Variants in HPSE2 observed in about 807,000 individuals in gnomAD.
The protein encoded by HPSE2 is inactive heparanase-2.
Under a neutral mutation model 60.5 loss-of-function variants are expected in HPSE2, and 38 were observed. That is an observed-to-expected ratio of 0.63 (90% CI 0.48 to 0.82). The LOEUF (loss-of-function observed/expected upper bound fraction) is 0.82. Among genes scored for constraint, HPSE2 ranks in the 40% least tolerant of loss-of-function variants. The probability of loss-of-function intolerance (pLI) is 0.00; values close to 1 mark genes in which losing one functional copy is unlikely to be tolerated. For missense variants in HPSE2, 713 were observed against 740.4 expected (o/e 0.96, Z 0.43); for synonymous variants, 295 against 293.2 (o/e 1.01, Z -0.06).
chr10:98,649,750 A>G (rs193134513), intron 6 of HPSE2, among the ~76,000 whole-genome samples: 5 of 152,330 alleles, frequency 3.3e-5, no homozygotes, highest in Non-Finnish European at 5.9e-5. Flanking sequence ...GTGTTTTAGT[A>G]ATTGTTATAT....
intron 3 of HPSE2, among the ~76,000 whole-genome samples, chr10:98,819,278 C>T (rs1390486239): frequency 1.3e-5 from 2 of 152,126 alleles, no homozygotes; most frequent in South Asian, 4.1e-4. Context: ...CTGGGGCAAT[C>T]CTCTGTATTT....
the HPSE2 span, among the ~76,000 whole-genome samples, chr10:99,300,007 G>C: frequency 2.7e-5 from 4 of 146,168 alleles, no homozygotes; most frequent in Non-Finnish European, 6.0e-5. Context: ...TACAATAATA[G>C]GGACAGGGCA....
intron 3 of HPSE2, among the ~76,000 whole-genome samples, chr10:99,008,678 A>G (rs1231813856): frequency 1.3e-5 from 2 of 152,234 alleles, no homozygotes; most frequent in African/African-American, 4.8e-5. Context: ...TAAACTAGAA[A>G]TATATTGCGT....
At chr10:99,135,263 A>C (rs1367524563) in intron 3 of HPSE2, among the ~76,000 whole-genome samples, 1 of 152,136 alleles carries the variant, frequency 6.6e-6, no homozygotes, top group Non-Finnish European at 1.5e-5. Context: ...CAGTCGGGAG[A>C]CTTTAACACC....
rs1410030058 is a variant in HPSE2, at chr10:98,699,737, A to T, written c.957-5790T>A. ...GCAGATGACATGATTGTATATCTAG[A>T]AAATCCCGTTGTCTCAGCCCAAAAT... is the stretch of plus-strand genomic sequence containing the variant. On this transcript the variant is annotated intron_variant, in intron 5 of 11. Transcript: ENST00000370552. Among the ~76,000 whole-genome samples, 2 of 129,822 alleles carry T rather than the reference A, an allele frequency of 1.5e-5. 1 individual carries two copies. Among genetic ancestry groups the T allele is most frequent in the African/African-American group, 5.3e-5 (2 of 37,662 alleles). The allele number at this position is 129,822 out of a possible 152,430, so 85.2% of individuals were successfully genotyped here.
At chr10:99,095,146 A>C (rs527245624) in intron 3 of HPSE2, among the ~76,000 whole-genome samples, 1 of 152,158 alleles carries the variant, frequency 6.6e-6, no homozygotes, top group Admixed American at 6.5e-5. Flanking sequence ...TGATTACACC[A>C]CTGCACTTTA....
chr10:98,905,939 A>G (rs1032571569), intron 3 of HPSE2, among the ~76,000 whole-genome samples: 4 of 152,178 alleles, frequency 2.6e-5, no homozygotes, highest in African/African-American at 9.7e-5. Context: ...TCCCTTCAGG[A>G]TTGAAGAACT....
chr10:99,221,394 T>C (rs1481787194), intron 2 of HPSE2, among the ~76,000 whole-genome samples: 1 of 152,092 alleles, frequency 6.6e-6, no homozygotes, highest in African/African-American at 2.4e-5. Flanking sequence ...ACTACAGAAA[T>C]GTTACAATCA....
intron 3 of HPSE2, among the ~76,000 whole-genome samples, chr10:98,905,960 G>A (rs1953804574): frequency 2.0e-5 from 3 of 152,176 alleles, no homozygotes; most frequent in African/African-American, 7.2e-5. Flanking sequence ...TAGTCTCCTG[G>A]CTGCTGGGAG....
chr10:98,674,839 T>C (rs1030501292), intron 6 of HPSE2, among the ~76,000 whole-genome samples: 2 of 152,098 alleles, frequency 1.3e-5, no homozygotes, highest in Admixed American at 6.6e-5. Flanking sequence ...GGAGAACCAC[T>C]TGAACCTGGG....
intron 9 of HPSE2, among the ~76,000 whole-genome samples, chr10:98,525,737 T>G (rs1942946606): frequency 6.6e-6 from 1 of 152,096 alleles, no homozygotes; most frequent in African/African-American, 2.4e-5. Flanking sequence ...GGGAGTGGGA[T>G]GGGTTGGGGG....
intron 9 of HPSE2, among the ~76,000 whole-genome samples, chr10:98,562,443 A>G (rs1399279446): frequency 6.6e-6 from 1 of 152,126 alleles, no homozygotes; most frequent in Admixed American, 6.5e-5. Flanking sequence ...TTGGCCGGGC[A>G]CGGTGGCTCA....
At chr10:98,463,013 C>G (rs78783968) in intron 11 of HPSE2, among the ~76,000 whole-genome samples, 1,778 of 151,802 alleles carry the variant, frequency 0.012, 37 homozygotes, top group African/African-American at 0.039. Context: ...AATTACTGTA[C>G]CCAGAAAGCT....
At chr10:98,687,557 T>A (rs1324180058) in intron 6 of HPSE2, among the ~76,000 whole-genome samples, 1 of 152,226 alleles carries the variant, frequency 6.6e-6, no homozygotes, top group African/African-American at 2.4e-5. Flanking sequence ...TGCCATATAA[T>A]GTAACATATT....
At chr10:99,304,857 G>T in the HPSE2 span, among the ~76,000 whole-genome samples, 1 of 152,192 alleles carries the variant, frequency 6.6e-6, no homozygotes, top group African/African-American at 2.4e-5. Flanking sequence ...CAAAATAGAA[G>T]ATTTAAGAAG....
At chr10:99,027,198 T>TA (rs1957396245) in intron 3 of HPSE2, among the ~76,000 whole-genome samples, 1 of 149,832 alleles carries the variant, frequency 6.7e-6, no homozygotes, top group Non-Finnish European at 1.5e-5. Context: ...TTTGAAAAGT[T>TA]AAACAAAATT....
In HPSE2 at chr10:98,460,905, G is replaced by A. The variant is rs544746559; in HGVS notation, c.1614-1166C>T. On this transcript the variant is annotated intron_variant, in intron 11 of 11. Transcript: ENST00000370552. ...CTGTTCCTGACAGCCATGCACCCAG[G>A]TGGAAGCTTAGTTTTATGGGTCAGC... is the stretch of plus-strand genomic sequence containing the variant. Among the ~76,000 whole-genome samples, 4 of 152,328 alleles carry A rather than the reference G, an allele frequency of 2.6e-5. No homozygotes were observed. In the South Asian group the frequency reaches 8.3e-4, roughly 32 times the overall value.
At position 98,482,726 on chromosome 10, in the gene HPSE2, C is replaced by G; in HGVS notation, c.1523G>C (p.Arg508Thr). The change falls in exon 11 of 12, where the codon AGA becomes ACA. Residue 508 changes from arginine to threonine, a missense_variant. By Grantham distance (71) the Arg-to-Thr change is moderately conservative. Coordinates refer to ENST00000370552, the MANE Select transcript of HPSE2 (RefSeq NM_021828.5). ...AGTCCCAGCCAGCTTGATTTTCTTT[C>G]TTGATCGATGCAAGTTGATGATAAA... is the stretch of plus-strand genomic sequence containing the variant. ...TLFIINLHRS[R>T]KKIKLAGTLR... The G allele has an allele frequency of 6.2e-7, 1 of 1,614,176 alleles. No individual in the cohort carries two copies. The highest frequency in any genetic ancestry group is 1.3e-5 in the African/African-American group (1 of 75,046).
intron 6 of HPSE2, among the ~76,000 whole-genome samples, chr10:98,654,632 T>C (rs1565051830): frequency 6.6e-6 from 1 of 152,254 alleles, no homozygotes; most frequent in Non-Finnish European, 1.5e-5. Context: ...TTGCATGTTG[T>C]CTACTTCCAT....
Sources: allele counts gnomAD v4.1 joint callset (sites outside exome capture counted in the v4.1 genomes callset), GRCh38; gene constraint gnomAD v4.1.1; transcripts MANE v1.5; gene names NCBI Gene and HGNC (gene_info 2026-07-23, HGNC 2026-07-21).